The following COL5A2 variants were observed in gnomAD, a reference collection of about 807,000 sequenced individuals.
The protein encoded by COL5A2 is collagen type V alpha 2 chain, also known as collagen alpha-2(V) chain.
In COL5A2, 23 loss-of-function variants were observed where a neutral mutation model predicts 208.2. The ratio of observed to expected loss-of-function variants is 0.11; its 90% CI spans 0.08 to 0.16. The LOEUF (loss-of-function observed/expected upper bound fraction) is 0.16. COL5A2 is among the 10% of genes least tolerant of loss of function. The pLI, the probability that COL5A2 is intolerant of heterozygous loss-of-function variation, is 1.00. For missense variants in COL5A2, 1,590 were observed against 1,956.4 expected, an observed-to-expected ratio of 0.81 and a Z score of 3.53; for synonymous variants, 625 against 628.5, an observed-to-expected ratio of 0.99 and a Z score of 0.08.
the COL5A2 span, among the ~76,000 whole-genome samples, chr2:189,384,259 G>A: frequency 1.3e-5 from 2 of 152,012 alleles, no homozygotes; most frequent in South Asian, 2.1e-4. Context: ...CCTTTCTTTT[G>A]GATGTATACT....
At chr2:189,346,014 T>C in the COL5A2 span, among the ~76,000 whole-genome samples, 3 of 152,208 alleles carry the variant, frequency 2.0e-5, no homozygotes, top group Non-Finnish European at 4.4e-5. Context: ...CCAACACTCT[T>C]TTCCAACTTA....
the COL5A2 span, among the ~76,000 whole-genome samples, chr2:189,415,887 C>T: frequency 6.6e-6 from 1 of 152,164 alleles, no homozygotes; most frequent in East Asian, 1.9e-4. Flanking sequence ...GTCTCGATCT[C>T]CTGACCTCGT....
chr2:189,247,238 C>T, the COL5A2 span, among the ~76,000 whole-genome samples: 1 of 152,010 alleles, frequency 6.6e-6, no homozygotes, highest in Non-Finnish European at 1.5e-5. Flanking sequence ...GTGATGGATG[C>T]CAACAGCACA....
At chr2:189,332,838 A>G in the COL5A2 span, among the ~76,000 whole-genome samples, 1 of 152,220 alleles carries the variant, frequency 6.6e-6, no homozygotes, top group East Asian at 1.9e-4. Context: ...AAAATGTGGA[A>G]GTGACTTTGG....
intron 33 of COL5A2, 108 bp from the exon 34 acceptor site, chr2:189,057,535 A>G (rs1685927815): frequency 2.5e-6 from 2 of 784,718 alleles, no homozygotes; most frequent in Non-Finnish European, 4.5e-6. Flanking sequence ...ATGTAGTTCA[A>G]CTTAGTGCTT....
At chr2:189,427,693 G>C in the COL5A2 span, among the ~76,000 whole-genome samples, 1 of 152,196 alleles carries the variant, frequency 6.6e-6, no homozygotes, top group African/African-American at 2.4e-5. Flanking sequence ...TTTTGTACCA[G>C]CATGCCCTGA....
the COL5A2 span, among the ~76,000 whole-genome samples, chr2:189,326,958 A>C: frequency 6.6e-6 from 1 of 151,356 alleles, no homozygotes; most frequent in African/African-American, 2.4e-5. Context: ...GTAATCCCAG[A>C]TACTCGGCAG....
chr2:189,348,996 T>C, the COL5A2 span, among the ~76,000 whole-genome samples: 1 of 152,058 alleles, frequency 6.6e-6, no homozygotes. Context: ...CTCAGAAAAA[T>C]TAAATAATTT....
chr2:189,034,924 T>C lies in COL5A2; in HGVS notation c.4345A>G (p.Thr1449Ala). The change falls in exon 53 of 54, where the codon ACT becomes GCT. Residue 1449 changes from threonine (T) to alanine (A), a missense_variant. Thr to Ala is a moderately conservative substitution (Grantham distance 58). Coordinates refer to ENST00000374866, the MANE Select transcript of COL5A2 (RefSeq NM_000393.5). Reference protein sequence around the residue: ...IRFRYIVLQDTCSKRNGNVGK... With the variant: ...IRFRYIVLQDACSKRNGNVGK... ...GATCAAAAAGTACTTACAGAGCAAGTGTCTTGAAGAACGATATACCGGAAT... is the reference window on the plus strand; with the variant it reads ...GATCAAAAAGTACTTACAGAGCAAGCGTCTTGAAGAACGATATACCGGAAT... 2 of 1,613,862 alleles carry C rather than the reference T, an allele frequency of 1.2e-6. No individual in the cohort carries two copies. The highest frequency in any genetic ancestry group is 1.1e-5 in the South Asian group (1 of 91,072).
the COL5A2 span, among the ~76,000 whole-genome samples, chr2:189,415,999 G>T: frequency 1.3e-5 from 2 of 152,186 alleles, no homozygotes; most frequent in African/African-American, 4.8e-5. Context: ...GTAACTGTTT[G>T]TTCCTTTGAA....
chr2:189,317,054 C>A, the COL5A2 span, among the ~76,000 whole-genome samples: 1 of 151,986 alleles, frequency 6.6e-6, no homozygotes, highest in East Asian at 1.9e-4. Context: ...AAAATAAAAG[C>A]GTACATTCAT....
At chr2:189,045,012 C>T (rs1047102501) in intron 47 of COL5A2, among the ~76,000 whole-genome samples, 167 bp downstream of exon 47, 1 of 151,732 alleles carries the variant, frequency 6.6e-6, no homozygotes, top group Admixed American at 6.6e-5. Context: ...TAAAAATAAA[C>T]TCGTATTACT....
intron 1 of COL5A2, among the ~76,000 whole-genome samples, chr2:189,195,966 T>C (rs1166703457): frequency 6.6e-6 from 1 of 152,122 alleles, no homozygotes; most frequent in Non-Finnish European, 1.5e-5. Flanking sequence ...GGTATCTAAT[T>C]AAACTAAAGA....
chr2:189,335,487 G>A, the COL5A2 span, among the ~76,000 whole-genome samples: 1 of 151,966 alleles, frequency 6.6e-6, no homozygotes, highest in African/African-American at 2.4e-5. Flanking sequence ...GAAAACTTAA[G>A]GTTACCCCAA....
chr2:189,195,550 C>T (rs1397492247), intron 1 of COL5A2, among the ~76,000 whole-genome samples: 1 of 152,122 alleles, frequency 6.6e-6, no homozygotes, highest in African/African-American at 2.4e-5. Context: ...CATCACCCTA[C>T]CTGACTTCAA....
the COL5A2 span, among the ~76,000 whole-genome samples, chr2:189,404,178 G>C: frequency 6.6e-6 from 1 of 152,170 alleles, no homozygotes; most frequent in Non-Finnish European, 1.5e-5. Context: ...CCAGAAAGCT[G>C]GTAAAATATT....
At chr2:189,088,243 A>T (rs1686706948) in intron 8 of COL5A2, among the ~76,000 whole-genome samples, 1 of 152,246 alleles carries the variant, frequency 6.6e-6, no homozygotes, top group Non-Finnish European at 1.5e-5. Flanking sequence ...CAGCCAGGAA[A>T]CCATAGAGCT....
chr2:189,168,155 G>C (rs1688504604), intron 1 of COL5A2, among the ~76,000 whole-genome samples: 1 of 151,570 alleles, frequency 6.6e-6, no homozygotes, highest in Non-Finnish European at 1.5e-5. Flanking sequence ...TAGCCAGGAT[G>C]GTGTCGATCT....
chr2:189,207,989 C>G (rs1689162390), intron 1 of COL5A2, among the ~76,000 whole-genome samples: 1 of 152,162 alleles, frequency 6.6e-6, no homozygotes, highest in African/African-American at 2.4e-5. Flanking sequence ...TTGCCTTGCT[C>G]TCCTCTCCTA....
Sources: gnomAD v4.1 joint callset for allele counts (sites outside exome capture counted in the v4.1 genomes callset) on GRCh38, gnomAD v4.1.1 for gene constraint, MANE v1.5 for transcripts, NCBI Gene and HGNC (gene_info 2026-07-23, HGNC 2026-07-21) for gene names.